Variants in C9orf85 observed in about 807,000 individuals in gnomAD.
C9orf85 encodes chromosome 9 open reading frame 85, also known as uncharacterized protein C9orf85.
Under a neutral mutation model 14.9 loss-of-function variants are expected in C9orf85, and 16 were observed. That is an observed-to-expected ratio of 1.08 (90% CI 0.73 to 1.63). The LOEUF is 1.63. C9orf85 is among the 40% of genes most tolerant of loss of function. C9orf85 has a pLI of 0.00. For synonymous variants in C9orf85, 45 were observed against 56.8 expected (o/e 0.79, Z 0.93); for missense variants, 172 against 186.1 (o/e 0.92, Z 0.44).
intron 1 of C9orf85, among the ~76,000 whole-genome samples, chr9:71,932,803 T>C (rs191341935): frequency 6.6e-6 from 1 of 152,180 alleles, no homozygotes; most frequent in East Asian, 1.9e-4. Context: ...AAAGAAGTGA[T>C]GGTGGATCTA....
Position 71,972,909 on chromosome 9 carries a change from C to T in C9orf85, c.*67C>T, listed in dbSNP as rs1246997962. 1.7e-5 allele frequency: 23 copies of T among 1,373,164 alleles called. No individual in the cohort carries two copies. Among genetic ancestry groups the T allele is most frequent in the Non-Finnish European group, 2.3e-5 (23 of 1,016,462 alleles). 85.1% of individuals were successfully genotyped at this position (1,373,164 alleles called of 1,614,324 possible). A position where few individuals can be genotyped will look rare whatever the true frequency, so the allele number is the denominator to read the frequency against. ...CTGTAATCCCAACACTTTGGGAGGC[C>T]AAGGAGGGTGGATCACCTGAGGTCA... On this transcript the variant is annotated 3_prime_UTR_variant, in exon 4 of 4. Transcript: ENST00000334731.
intron 2 of C9orf85, among the ~76,000 whole-genome samples, chr9:71,967,594 C>G (rs187262568): frequency 1.3e-5 from 2 of 152,026 alleles, no homozygotes; most frequent in Admixed American, 1.3e-4. Flanking sequence ...TTTTATTAAA[C>G]TCACTGTTTA....
intron 2 of C9orf85, among the ~76,000 whole-genome samples, chr9:71,968,466 A>G (rs1424579540): frequency 2.6e-5 from 4 of 151,254 alleles, no homozygotes; most frequent in South Asian, 2.1e-4. Flanking sequence ...TTATGATTAA[A>G]TTTTTCTTTA....
intron 1 of C9orf85, among the ~76,000 whole-genome samples, chr9:71,944,445 G>T (rs1822029550): frequency 6.6e-6 from 1 of 151,650 alleles, no homozygotes. Flanking sequence ...CTGGAAAGTA[G>T]CTTGTTGAAC....
chr9:71,966,076 C>CATT (rs1342763303), intron 2 of C9orf85, among the ~76,000 whole-genome samples: 2 of 152,234 alleles, frequency 1.3e-5, no homozygotes, highest in Non-Finnish European at 2.9e-5. Flanking sequence ...TTCAACCATT[C>CATT]ATACACTGCT....
intron 1 of C9orf85, among the ~76,000 whole-genome samples, chr9:71,928,531 C>T (rs548950201): frequency 2.0e-5 from 3 of 152,224 alleles, no homozygotes; most frequent in South Asian, 4.2e-4. Flanking sequence ...ACAGACTGTA[C>T]TTAATTCTAA....
At position 71,918,807 on chromosome 9, in the gene C9orf85, A is replaced by G. The variant is rs575671169; in HGVS notation, c.102+6971A>G. Among the ~76,000 whole-genome samples the G allele has an allele frequency of 3.6e-4, 55 of 152,324 alleles. 1 individual carries two copies. Among genetic ancestry groups the G allele is most frequent in the African/African-American group, 1.1e-3 (47 of 41,574 alleles). ...TGCAGGAAAAAAGCTAGGGCTCCCA[A>G]TGATTCTACATTATGGTTGTATAAT... On this transcript the variant is annotated intron_variant, in intron 1 of 3. Transcript: ENST00000334731.
intron 2 of C9orf85, among the ~76,000 whole-genome samples, chr9:71,951,472 C>T (rs567002454): frequency 2.0e-4 from 31 of 152,260 alleles, no homozygotes; most frequent in African/African-American, 7.5e-4. Flanking sequence ...CCAGCCACCA[C>T]CCTTAATTAG....
Position 71,966,081 on chromosome 9 carries a change from A to C in C9orf85, c.210-5424A>C, listed in dbSNP as rs140428292. ...GCAGCCATACTTCAACCATTCATAC[A>C]CTGCTGAGTGTTCAAACTGTTCAAA... On this transcript the variant is annotated intron_variant, in intron 2 of 3. Coordinates refer to ENST00000334731, the MANE Select transcript of C9orf85 (RefSeq NM_182505.5). 1.5e-3 allele frequency among the ~76,000 whole-genome samples: 231 copies of C among 152,334 alleles called. 1 individual carries two copies. Among genetic ancestry groups the C allele is most frequent in the Non-Finnish European group, 2.7e-3 (181 of 68,036 alleles).
At chr9:71,956,251 T>G (rs1338147448) in intron 2 of C9orf85, among the ~76,000 whole-genome samples, 1 of 145,652 alleles carries the variant, frequency 6.9e-6, no homozygotes, top group South Asian at 2.2e-4. Flanking sequence ...AGTTTTTTTT[T>G]TTTTTTTTTT....
chr9:71,917,754 C>T (rs781055598), intron 1 of C9orf85, among the ~76,000 whole-genome samples: 7 of 152,182 alleles, frequency 4.6e-5, no homozygotes, highest in Non-Finnish European at 8.8e-5. Flanking sequence ...CACAAGAAAA[C>T]TTTCTGGAGT....
chr9:71,983,090 G>A (rs1029880984), exon 4 of C9orf85: 2 of 139,956 alleles, frequency 1.4e-5, no homozygotes, highest in Non-Finnish European at 3.1e-5. Flanking sequence ...CTGCCTCCTA[G>A]GTTCAAGTGA....
At chr9:71,986,014 G>A (rs1823205850), downstream of C9orf85, 1 of 152,150 alleles carries the variant, frequency 6.6e-6, no homozygotes, top group Non-Finnish European at 1.5e-5. Context: ...ATAAAGAATT[G>A]TGATATATAT....
At chr9:71,971,993 AAAG>A (rs1308870114) in intron 3 of C9orf85, among the ~76,000 whole-genome samples, 3 of 151,548 alleles carry the variant, frequency 2.0e-5, no homozygotes, top group African/African-American at 7.3e-5. Flanking sequence ...AAAAAAAAAA[AAAG>A]AGATGATCCG....
chr9:71,938,866 G>A (rs917609209), intron 1 of C9orf85, among the ~76,000 whole-genome samples: 6 of 151,370 alleles, frequency 4.0e-5, no homozygotes, highest in African/African-American at 1.2e-4. Flanking sequence ...TAGATAATAG[G>A]TTAACTAAAT....
intron 3 of C9orf85, among the ~76,000 whole-genome samples, chr9:71,981,483 G>T (rs1716239961): frequency 6.6e-6 from 1 of 152,242 alleles, no homozygotes; most frequent in South Asian, 2.1e-4. Context: ...GCATTAAGGA[G>T]TTGGAAGCTT....
intron 1 of C9orf85, 69 bp from the exon 2 acceptor site, chr9:71,946,937 T>C: frequency 9.8e-7 from 1 of 1,020,622 alleles, no homozygotes. Context: ...TCTCATACAC[T>C]CTTTTATGGG....
At chr9:71,950,417 G>C (rs1341893309) in intron 2 of C9orf85, among the ~76,000 whole-genome samples, 4 of 152,086 alleles carry the variant, frequency 2.6e-5, no homozygotes, top group African/African-American at 9.7e-5. Flanking sequence ...GCCCAGGCTA[G>C]AATGCAATGG....
intron 2 of C9orf85, among the ~76,000 whole-genome samples, chr9:71,969,481 G>A (rs187708204): frequency 5.8e-4 from 88 of 152,180 alleles, no homozygotes; most frequent in African/African-American, 2.0e-3. Flanking sequence ...CTATAGTGCT[G>A]TACCATCTTT....
Sources: allele counts gnomAD v4.1 joint callset (sites outside exome capture counted in the v4.1 genomes callset), GRCh38; gene constraint gnomAD v4.1.1; transcripts MANE v1.5; gene names NCBI Gene and HGNC (gene_info 2026-07-23, HGNC 2026-07-21).